Variants in WIPF3 observed in about 807,000 individuals in gnomAD.
WIPF3 encodes the protein WAS/WASL-interacting protein family member 3.
A neutral mutation model predicts 38.9 loss-of-function variants in WIPF3; 33 were observed. That is an observed-to-expected ratio of 0.85 (90% confidence interval 0.64 to 1.14). The LOEUF is 1.14. Ranked by LOEUF, WIPF3 falls within the 50% of genes most tolerant of loss-of-function variation. The pLI is 0.00. For missense variants in WIPF3, 711 were observed against 652.5 expected (o/e 1.09, Z -0.98); for synonymous variants, 324 against 269.3 (o/e 1.20, Z -1.99).
chr7:29,883,429 T>C (rs1231245613), intron 4 of WIPF3, among the ~76,000 whole-genome samples: 1 of 151,890 alleles, frequency 6.6e-6, no homozygotes, highest in Non-Finnish European at 1.5e-5. Flanking sequence ...TAGCCAGGAG[T>C]GCTGGTTGGT....
At chr7:29,864,451 G>A (rs993958670) in intron 2 of WIPF3, among the ~76,000 whole-genome samples, 4 of 152,106 alleles carry the variant, frequency 2.6e-5, no homozygotes, top group Non-Finnish European at 4.4e-5. Context: ...TAACGTTTGC[G>A]TTCAGTTGTG....
chr7:29,904,587 T>C, intron 8 of WIPF3: 2 of 523,476 alleles, frequency 3.8e-6, no homozygotes, highest in East Asian at 3.1e-5. Context: ...CACCACTACA[T>C]ATAGAAGCAA....
chr7:29,907,974 GA>G (rs1786430782), intron 8 of WIPF3, among the ~76,000 whole-genome samples: 1 of 152,150 alleles, frequency 6.6e-6, no homozygotes, highest in Non-Finnish European at 1.5e-5. Flanking sequence ...ATATAGAAAA[GA>G]AGTAGCAAAA....
intron 2 of WIPF3, among the ~76,000 whole-genome samples, chr7:29,841,999 A>T (rs1489320585): frequency 6.6e-6 from 1 of 152,124 alleles, no homozygotes; most frequent in African/African-American, 2.4e-5. Context: ...CTGTACTTTG[A>T]CCCCTTGGTA....
rs1037269673 is a variant in WIPF3 at position 29,832,697 on chromosome 7, A to G, written c.-57-1971A>G. Among the ~76,000 whole-genome samples, 9 of 152,180 alleles carry G rather than the reference A, an allele frequency of 5.9e-5. 1 individual carries two copies. The highest frequency in any genetic ancestry group is 2.2e-4 in the African/African-American group (9 of 41,432). On this transcript the variant is annotated intron_variant, in intron 1 of 8. Transcript: ENST00000242140. ...CCTTGGAACTCTTAGGAAAACTATC[A>G]TGGACTCTTTCCCCAAAAAAGTTGC...
intron 2 of WIPF3, among the ~76,000 whole-genome samples, chr7:29,836,042 G>A (rs560413002): frequency 1.1e-4 from 17 of 152,240 alleles, no homozygotes; most frequent in Non-Finnish European, 2.4e-4. Context: ...GAGGTGCCAA[G>A]GGCTTAGACC....
At chr7:29,895,236 A>G (rs1249549596) in intron 7 of WIPF3, among the ~76,000 whole-genome samples, 3 of 152,064 alleles carry the variant, frequency 2.0e-5, no homozygotes, top group Non-Finnish European at 2.9e-5. Flanking sequence ...CACCCAGCCT[A>G]GTTTTTTTTT....
intron 2 of WIPF3, among the ~76,000 whole-genome samples, chr7:29,850,583 A>C (rs80276910): frequency 0.013 from 1,974 of 152,308 alleles, 43 homozygotes; most frequent in African/African-American, 0.045. Context: ...ACGTCACAAC[A>C]TGGGTACCCG....
At chr7:29,834,635 C>T in intron 1 of WIPF3, 33 bp from the exon 2 acceptor site, 2 of 1,382,044 alleles carry the variant, frequency 1.4e-6, no homozygotes, top group Non-Finnish European at 9.4e-7. Context: ...TAAAGAAATC[C>T]AAGTTTAAAT....
intron 2 of WIPF3, among the ~76,000 whole-genome samples, chr7:29,866,032 G>A (rs138884336): frequency 8.4e-4 from 128 of 152,322 alleles, no homozygotes; most frequent in African/African-American, 2.9e-3. Flanking sequence ...GATGGCACAT[G>A]CCTGTAATCC....
At position 29,878,868 on chromosome 7, in the gene WIPF3, T is replaced by TG; in HGVS notation, c.224-140dup. 3 of 972,782 alleles carry TG rather than the reference T, an allele frequency of 3.1e-6. No individual in the cohort carries two copies. In the South Asian group the frequency reaches 5.0e-5, roughly 16 times the overall value. The allele number at this position is 972,782 out of a possible 1,614,324, so 60.3% of individuals were successfully genotyped here. ...GAGGGTGCTTGGGGAGGATGCTGAG[T>TG]GAAAGGATGACATTGGAGGTGGGAG... On this transcript the variant is annotated intron_variant, in intron 3 of 8. Coordinates refer to ENST00000242140, the MANE Select transcript of WIPF3 (RefSeq NM_001080529.3). The surrounding 1 kb of genome is among the most constrained non-coding windows in gnomAD (Gnocchi z 4.0).
intron 7 of WIPF3, among the ~76,000 whole-genome samples, chr7:29,900,576 G>A (rs1399391803): frequency 6.6e-6 from 1 of 152,176 alleles, no homozygotes; most frequent in Non-Finnish European, 1.5e-5. Flanking sequence ...GGGATGAGAG[G>A]AAAGGCCAGA....
At chr7:29,847,831 C>G (rs1785025961) in intron 2 of WIPF3, among the ~76,000 whole-genome samples, 1 of 152,124 alleles carries the variant, frequency 6.6e-6, no homozygotes, top group Non-Finnish European at 1.5e-5. Context: ...AAAAGGGGCT[C>G]TGGTTTCTAT....
chr7:29,833,990 CAG>C (rs1205151485), intron 1 of WIPF3, among the ~76,000 whole-genome samples: 1 of 152,128 alleles, frequency 6.6e-6, no homozygotes, highest in Non-Finnish European at 1.5e-5. Flanking sequence ...CTATTTGAAA[CAG>C]AATCATATTG....
Position 29,888,129 on chromosome 7 carries a change from G to T in WIPF3, c.1161G>T (p.Glu387Asp). The T allele has an allele frequency of 1.9e-6, 3 of 1,613,916 alleles. No individual in the cohort carries two copies. The South Asian group carries it at 3.3e-5, about 18-fold the overall frequency. ...CCCCTGCGAGATCACCTACCACAGA[G>T]CTTTCAAGCAAGAGCCAGCAGGCCA... ...PAPPARSPTT[E>D]LSSKSQQATA... The change falls in exon 6 of 9, where the codon GAG becomes GAT. Residue 387 changes from glutamate (E) to aspartate (D), a missense_variant. Glu to Asp is a conservative substitution (Grantham distance 45). Transcript: ENST00000242140.
intron 7 of WIPF3, among the ~76,000 whole-genome samples, chr7:29,892,552 G>T (rs1164013052): frequency 6.6e-6 from 1 of 152,240 alleles, no homozygotes; most frequent in Non-Finnish European, 1.5e-5. Context: ...TAGGTGCTTT[G>T]CATACCTTAT....
rs79746086 is a variant in WIPF3 at position 29,847,933 on chromosome 7, A to C, written c.90+13119A>C. Among the ~76,000 whole-genome samples, 85 of 152,286 alleles carry C rather than the reference A, an allele frequency of 5.6e-4. No individual in the cohort carries two copies. The East Asian group carries it at 0.015, about 28-fold the overall frequency. On this transcript the variant is annotated intron_variant, in intron 2 of 8. Coordinates refer to ENST00000242140, the MANE Select transcript of WIPF3 (RefSeq NM_001080529.3). Reference sequence around the variant, plus strand: ...ACAAGAGGTCAGGTGAAGGTCAGAGATAAACTTTTGCCTCTGAGGCTACTT... The same window carrying C: ...ACAAGAGGTCAGGTGAAGGTCAGAGCTAAACTTTTGCCTCTGAGGCTACTT...
intron 3 of WIPF3, among the ~76,000 whole-genome samples, chr7:29,877,159 A>G (rs1252783946): frequency 2.0e-5 from 3 of 152,252 alleles, no homozygotes; most frequent in Non-Finnish European, 4.4e-5. Flanking sequence ...CAAGAGTAGC[A>G]TACATTCATA....
Position 29,914,657 on chromosome 7 carries a change from C to A in WIPF3, c.*141C>A. On this transcript the variant is annotated 3_prime_UTR_variant, in exon 9 of 9. Coordinates refer to ENST00000242140, the MANE Select transcript of WIPF3 (RefSeq NM_001080529.3). Reference sequence around the variant, plus strand: ...TTATTTATTGTAAATATGTGATTTGCACGGGCTTTAAAGCAGTATTTTAAT... The same window carrying A: ...TTATTTATTGTAAATATGTGATTTGAACGGGCTTTAAAGCAGTATTTTAAT... 1 of 530,548 alleles carries A rather than the reference C, an allele frequency of 1.9e-6. No homozygotes were observed. The allele number at this position is 530,548 out of a possible 1,614,324, so 32.9% of individuals were successfully genotyped here. A position where few individuals can be genotyped will look rare whatever the true frequency, so the allele number is the denominator to read the frequency against.
Sources: gnomAD v4.1 joint callset for allele counts (sites outside exome capture counted in the v4.1 genomes callset) on GRCh38, gnomAD v4.1.1 for gene constraint, Gnocchi (gnomAD v3.1) non-coding constraint, MANE v1.5 for transcripts, NCBI Gene and HGNC (gene_info 2026-07-23, HGNC 2026-07-21) for gene names.